Variants in DPP10 observed in about 807,000 individuals in gnomAD.
DPP10 encodes the protein dipeptidyl peptidase like 10.
A neutral mutation model predicts 120.9 loss-of-function variants in DPP10; 33 were observed. That is an observed-to-expected ratio of 0.27 (90% confidence interval 0.21 to 0.37). DPP10 has a LOEUF of 0.37. DPP10 is among the 10% of genes least tolerant of loss of function. The pLI is 1.00. For synonymous variants in DPP10, 337 were observed against 326.1 expected, an observed-to-expected ratio of 1.03 and a Z score of -0.36; for missense variants, 816 against 942.8, an observed-to-expected ratio of 0.87 and a Z score of 1.76.
intron 2 of DPP10, among the ~76,000 whole-genome samples, chr2:115,331,309 A>G (rs1426736773): frequency 3.3e-5 from 5 of 152,174 alleles, no homozygotes; most frequent in Non-Finnish European, 5.9e-5. Flanking sequence ...TTATCAGCTT[A>G]AGGAGATTTT....
chr2:114,753,238 A>G (rs1256880710), intron 1 of DPP10, among the ~76,000 whole-genome samples: 9 of 152,192 alleles, frequency 5.9e-5, no homozygotes, highest in Admixed American at 6.5e-5. Flanking sequence ...GGAATAGTCA[A>G]TCAATAGCCC....
At chr2:115,777,563 GA>G (rs1438972709) in intron 14 of DPP10, among the ~76,000 whole-genome samples, 7 of 151,954 alleles carry the variant, frequency 4.6e-5, no homozygotes, top group Non-Finnish European at 5.9e-5. Context: ...TTTATCAGGG[GA>G]AAAAAATATG....
At chr2:114,536,100 A>G (rs999988080) in intron 1 of DPP10, among the ~76,000 whole-genome samples, 2 of 152,072 alleles carry the variant, frequency 1.3e-5, no homozygotes, top group African/African-American at 4.8e-5. Context: ...TTCTTTACCC[A>G]TGGAGAGTCC....
intron 5 of DPP10, among the ~76,000 whole-genome samples, chr2:115,685,053 T>A (rs1559028293): frequency 6.6e-6 from 1 of 151,942 alleles, no homozygotes. Flanking sequence ...TGGTTCAGAT[T>A]GTGACTGTTT....
intron 21 of DPP10, among the ~76,000 whole-genome samples, chr2:115,820,938 G>A (rs1461419070): frequency 2.0e-5 from 3 of 151,988 alleles, no homozygotes; most frequent in African/African-American, 7.3e-5. Flanking sequence ...GCATATGCAA[G>A]TATCTTTTTC....
At chr2:115,700,680 A>G (rs2091847532) in intron 7 of DPP10, among the ~76,000 whole-genome samples, 1 of 152,172 alleles carries the variant, frequency 6.6e-6, no homozygotes, top group Admixed American at 6.5e-5. Flanking sequence ...TTTCTTTAAA[A>G]GCCTAGAGTC....
intron 19 of DPP10, among the ~76,000 whole-genome samples, chr2:115,808,917 C>T (rs190891104): frequency 6.6e-6 from 1 of 152,086 alleles, no homozygotes; most frequent in Non-Finnish European, 1.5e-5. Flanking sequence ...GTCTTGGTAG[C>T]GGCATGAACA....
chr2:114,807,140 G>A (rs1156674451), intron 1 of DPP10, among the ~76,000 whole-genome samples: 1 of 152,162 alleles, frequency 6.6e-6, no homozygotes, highest in African/African-American at 2.4e-5. Context: ...ATTGTTGTAA[G>A]GTGAACACTC....
chr2:115,346,324 C>T, intron 3 of DPP10, among the ~76,000 whole-genome samples: 1 of 152,026 alleles, frequency 6.6e-6, no homozygotes, highest in Admixed American at 6.6e-5. Context: ...GTACATAAGT[C>T]ACTTGAAGGA....
chr2:115,801,638 A>G (rs996259162), intron 19 of DPP10, among the ~76,000 whole-genome samples: 1 of 152,180 alleles, frequency 6.6e-6, no homozygotes, highest in Non-Finnish European at 1.5e-5. Context: ...AGTTTTTAGC[A>G]TGAAGCGCTA....
intron 5 of DPP10, among the ~76,000 whole-genome samples, chr2:115,587,420 T>C (rs1157642505): frequency 1.3e-5 from 2 of 152,184 alleles, no homozygotes; most frequent in Non-Finnish European, 1.5e-5. Context: ...TACTCTCTGC[T>C]TCTATGAATT....
intron 2 of DPP10, among the ~76,000 whole-genome samples, chr2:115,332,372 C>G (rs531882622): frequency 1.1e-3 from 171 of 152,200 alleles, no homozygotes; most frequent in African/African-American, 3.9e-3. Flanking sequence ...TTTCGAAAAA[C>G]CAGCTCCTGG....
At chr2:115,015,397 C>T (rs974913411) in intron 1 of DPP10, among the ~76,000 whole-genome samples, 1 of 152,170 alleles carries the variant, frequency 6.6e-6, no homozygotes, top group Admixed American at 6.5e-5. Flanking sequence ...CTATATCATA[C>T]TGAATGGGCA....
intron 1 of DPP10, among the ~76,000 whole-genome samples, chr2:115,204,811 A>G (rs1015495647): frequency 5.9e-5 from 9 of 152,128 alleles, no homozygotes; most frequent in South Asian, 4.1e-4. Context: ...GTGAAATGAC[A>G]TTCATTTTGG....
At chr2:114,443,605 A>G (rs1292884422) in intron 1 of DPP10, among the ~76,000 whole-genome samples, 1 of 151,920 alleles carries the variant, frequency 6.6e-6, no homozygotes, top group Admixed American at 6.6e-5. Flanking sequence ...ATCAAAGTTT[A>G]CTATATTTTG....
intron 1 of DPP10, among the ~76,000 whole-genome samples, chr2:114,865,400 T>A (rs969303328): frequency 2.0e-5 from 3 of 152,250 alleles, no homozygotes; most frequent in Admixed American, 6.5e-5. Flanking sequence ...GTGACTTGCT[T>A]GCAGAAAAGT....
At chr2:115,728,782 C>G (rs1302279208) in intron 8 of DPP10, among the ~76,000 whole-genome samples, 4 of 152,108 alleles carry the variant, frequency 2.6e-5, no homozygotes, top group Non-Finnish European at 5.9e-5. Context: ...CACTCTTTCA[C>G]TCAAATGATA....
intron 1 of DPP10, among the ~76,000 whole-genome samples, chr2:114,598,201 A>C (rs1005281886): frequency 2.0e-5 from 3 of 151,956 alleles, no homozygotes; most frequent in African/African-American, 7.2e-5. Flanking sequence ...TACAGGGCTA[A>C]AGTGGCTAAC....
chr2:114,685,986 T>A (rs537923574), intron 1 of DPP10, among the ~76,000 whole-genome samples: 1 of 152,098 alleles, frequency 6.6e-6, no homozygotes, highest in Non-Finnish European at 1.5e-5. Flanking sequence ...TTATTACAGC[T>A]GGCTCTACCA....
Sources: allele counts gnomAD v4.1 joint callset (sites outside exome capture counted in the v4.1 genomes callset), GRCh38; gene constraint gnomAD v4.1.1; transcripts MANE v1.5; gene names NCBI Gene and HGNC (gene_info 2026-07-23, HGNC 2026-07-21).